Variants in LTBP1 observed in about 807,000 individuals in gnomAD.
The protein encoded by LTBP1 is latent-transforming growth factor beta-binding protein 1.
LTBP1 carries 129 observed loss-of-function variants against 207.6 expected under a neutral mutation model. The observed-to-expected ratio is 0.62, with a 90% CI of 0.54 to 0.72. The LOEUF (loss-of-function observed/expected upper bound fraction) is 0.72, where lower values mean the gene tolerates loss of function less well. Ranked by LOEUF, LTBP1 falls within the 30% of genes least tolerant of loss-of-function variation. The probability of loss-of-function intolerance (pLI) is 0.00; values close to 1 mark genes in which losing one functional copy is unlikely to be tolerated. For missense variants in LTBP1, 2,281 were observed against 2,217.2 expected, an observed-to-expected ratio of 1.03 and a Z score of -0.58; for synonymous variants, 963 against 833.7, an observed-to-expected ratio of 1.16 and a Z score of -2.67.
intron 15 of LTBP1, among the ~76,000 whole-genome samples, chr2:33,268,424 A>G (rs965639922): frequency 4.6e-5 from 7 of 152,212 alleles, no homozygotes; most frequent in Non-Finnish European, 1.0e-4. Flanking sequence ...TTGTTTAGTG[A>G]TTATATCTTT....
intron 2 of LTBP1, among the ~76,000 whole-genome samples, chr2:32,954,136 C>T (rs1161153571): frequency 6.6e-6 from 1 of 152,158 alleles, no homozygotes; most frequent in African/African-American, 2.4e-5. Context: ...CTTCCTACTG[C>T]CCTGGGCTTC....
chr2:33,142,151 A>G (rs1044173323), intron 5 of LTBP1, among the ~76,000 whole-genome samples: 2 of 152,104 alleles, frequency 1.3e-5, no homozygotes, highest in African/African-American at 4.8e-5. Flanking sequence ...TCCCGGGTTC[A>G]CGCCATTCTC....
intron 5 of LTBP1, among the ~76,000 whole-genome samples, chr2:33,151,450 T>G (rs1281469636): frequency 6.6e-6 from 1 of 152,162 alleles, no homozygotes; most frequent in Non-Finnish European, 1.5e-5. Flanking sequence ...GCTTACCCTT[T>G]TTTTTTGTAT....
At chr2:33,185,064 C>T (rs1051425032) in intron 5 of LTBP1, among the ~76,000 whole-genome samples, 13 of 152,202 alleles carry the variant, frequency 8.5e-5, no homozygotes, top group African/African-American at 2.4e-4. Flanking sequence ...AGGTAGTTGA[C>T]GGAGGCCAGA....
At chr2:33,069,097 T>C (rs62133284) in intron 3 of LTBP1, among the ~76,000 whole-genome samples, 11,756 of 152,276 alleles carry the variant, frequency 0.077, 492 homozygotes, top group Middle Eastern at 0.11. Flanking sequence ...AAGTTTACTC[T>C]TGTTCTGAAA....
intron 3 of LTBP1, among the ~76,000 whole-genome samples, chr2:33,078,253 C>G (rs1015242731): frequency 1.3e-5 from 2 of 152,132 alleles, no homozygotes; most frequent in Non-Finnish European, 2.9e-5. Context: ...CCAGTATTTT[C>G]TCTTAAGGAA....
At chr2:33,363,882 A>C (rs901164747) in intron 29 of LTBP1, among the ~76,000 whole-genome samples, 1 of 152,244 alleles carries the variant, frequency 6.6e-6, no homozygotes, top group African/African-American at 2.4e-5. Flanking sequence ...GCAGAAAACC[A>C]TATACACTAG....
chr2:33,352,353 A>C (rs908602278), intron 26 of LTBP1, among the ~76,000 whole-genome samples: 1 of 152,038 alleles, frequency 6.6e-6, no homozygotes, highest in Non-Finnish European at 1.5e-5. Flanking sequence ...GCTGATCTCG[A>C]ACTCCTGACC....
intron 3 of LTBP1, among the ~76,000 whole-genome samples, chr2:33,040,176 G>A (rs2076114415): frequency 6.6e-6 from 1 of 152,114 alleles, no homozygotes; most frequent in South Asian, 2.1e-4. Flanking sequence ...ATTATGGGAG[G>A]CAGTAATCAG....
At position 33,268,727 on chromosome 2, in the gene LTBP1, G is replaced by T. The variant is rs530640184; in HGVS notation, c.2618-4929G>T. 3.9e-5 allele frequency among the ~76,000 whole-genome samples: 6 copies of T among 152,324 alleles called. No individual in the cohort carries two copies. The East Asian group carries it at 1.2e-3, about 29-fold the overall frequency. On this transcript the variant is annotated intron_variant, in intron 15 of 33. Transcript: ENST00000404816. ...CAAAGTGGAAACATCTGTTTCAATT[G>T]TTGTGGGACAATCTATGCTCACTGT...
At position 33,075,855 on chromosome 2, in the gene LTBP1, G is replaced by A. The variant is rs192770908; in HGVS notation, c.864-34727G>A. Among the ~76,000 whole-genome samples the A allele has an allele frequency of 1.1e-4, 17 of 152,232 alleles. 1 individual carries two copies. The East Asian group carries it at 3.1e-3, about 28-fold the overall frequency. ...TGCTTTAGCAGGCAAATTCTTCTAA[G>A]GGTGTTTCTTTTCCTAATCAATATA... On this transcript the variant is annotated intron_variant, in intron 3 of 33. Transcript: ENST00000404816.
intron 2 of LTBP1, among the ~76,000 whole-genome samples, chr2:32,980,304 T>G (rs573278419): frequency 5.3e-5 from 8 of 152,288 alleles, no homozygotes; most frequent in South Asian, 4.1e-4. Context: ...CACTTTTTAT[T>G]TTTTGTGTAT....
At chr2:33,201,977 G>A (rs2089336199) in intron 7 of LTBP1, among the ~76,000 whole-genome samples, 1 of 146,006 alleles carries the variant, frequency 6.8e-6, no homozygotes, top group South Asian at 2.2e-4. Flanking sequence ...GTCTCTTTTG[G>A]CAGATATGTT....
chr2:33,023,187 G>A (rs959812890), intron 3 of LTBP1, among the ~76,000 whole-genome samples: 1 of 152,168 alleles, frequency 6.6e-6, no homozygotes, highest in Non-Finnish European at 1.5e-5. Flanking sequence ...GCGATCAAGA[G>A]TCAGATTACT....
In LTBP1 at chr2:33,397,142, A is replaced by G. The variant is rs755441492; in HGVS notation, c.4844A>G (p.Asn1615Ser). 6.2e-7 allele frequency: 1 copy of G among 1,613,544 alleles called. No homozygotes were observed. Among genetic ancestry groups the G allele is most frequent in the South Asian group, 1.1e-5 (1 of 90,952 alleles). ...DPYFIQDRFL[N>S]SFEELQAEEC... ...GCCCTTTCCTTTCCAGGTTTTCTAA[A>G]TAGCTTTGAGGAGTTACAGGCTGAG... is the stretch of plus-strand genomic sequence containing the variant. Residue 1615 changes from asparagine (N) to serine (S), a missense_variant, in exon 33 of 34, where the codon AAT becomes AGT. Physicochemically the swap from Asn to Ser is conservative, Grantham distance 46. This residue lies in a region of LTBP1 where 1,671 missense variants were observed against 1,634.8 expected (regional missense o/e 1.02). Coordinates refer to ENST00000404816, the MANE Select transcript of LTBP1 (RefSeq NM_206943.4).
At chr2:33,173,204 A>T (rs1407447246) in intron 5 of LTBP1, among the ~76,000 whole-genome samples, 1 of 152,144 alleles carries the variant, frequency 6.6e-6, no homozygotes, top group Non-Finnish European at 1.5e-5. Context: ...CAAAAAATTA[A>T]TGAATCCAGG....
In LTBP1 at chr2:32,954,873, C is replaced by G. The variant is rs72866297; in HGVS notation, c.565+5928C>G. 2.7e-3 allele frequency among the ~76,000 whole-genome samples: 410 copies of G among 152,238 alleles called. 1 individual carries two copies. The highest frequency in any genetic ancestry group is 9.5e-3 in the African/African-American group (393 of 41,538). ...TAATTTGGTTACTTTTCTACTGCAGCAGCTCTGGCTGCTCCAGGGGGTGTT... is the reference window on the plus strand; with the variant it reads ...TAATTTGGTTACTTTTCTACTGCAGGAGCTCTGGCTGCTCCAGGGGGTGTT... On this transcript the variant is annotated intron_variant, in intron 2 of 33. Transcript: ENST00000404816.
intron 24 of LTBP1, among the ~76,000 whole-genome samples, chr2:33,325,845 A>G (rs893004316): frequency 6.6e-6 from 1 of 152,166 alleles, no homozygotes; most frequent in Admixed American, 6.5e-5. Flanking sequence ...CTACAGGTGT[A>G]GAAAGGTGGA....
intron 32 of LTBP1, among the ~76,000 whole-genome samples, chr2:33,393,179 CT>C (rs1487940473): frequency 6.8e-6 from 1 of 146,074 alleles, no homozygotes; most frequent in Non-Finnish European, 1.5e-5. Context: ...TAGTTATTAC[CT>C]TTTCTGCTTC....
Sources: gnomAD v4.1 joint callset for allele counts (sites outside exome capture counted in the v4.1 genomes callset) on GRCh38, gnomAD v4.1.1 for gene constraint, gnomAD v4.1.1 regional missense constraint, MANE v1.5 for transcripts, NCBI Gene and HGNC (gene_info 2026-07-23, HGNC 2026-07-21) for gene names.